COA1: variants seen among roughly 807,000 people sequenced by gnomAD.
COA1 encodes cytochrome c oxidase assembly factor 1, also known as cytochrome c oxidase assembly factor 1 homolog.
COA1 carries 13 observed loss-of-function variants against 16.0 expected under a neutral mutation model. The observed-to-expected ratio is 0.81, with a 90% CI of 0.53 to 1.29. The LOEUF (loss-of-function observed/expected upper bound fraction) is 1.29, where lower values mean the gene tolerates loss of function less well. Among genes scored for constraint, COA1 ranks in the 50% most tolerant of loss-of-function variants. The pLI is 0.00. For synonymous variants in COA1, 65 were observed against 65.7 expected (o/e 0.99, Z 0.05); for missense variants, 179 against 177.0 (o/e 1.01, Z -0.06).
chr7:43,672,028 C>G (rs2093294044), intron 1 of COA1, among the ~76,000 whole-genome samples: 2 of 152,004 alleles, frequency 1.3e-5, no homozygotes. Context: ...ACTATGCATC[C>G]AACAAAGGTC....
chr7:43,614,025 C>G (rs1207584476), intron 6 of COA1, among the ~76,000 whole-genome samples: 1 of 152,146 alleles, frequency 6.6e-6, no homozygotes, highest in African/African-American at 2.4e-5. Context: ...ACCTATTTCT[C>G]TACTCTAACC....
chr7:43,708,088 C>T (rs966777633), intron 1 of COA1, among the ~76,000 whole-genome samples: 9 of 152,170 alleles, frequency 5.9e-5, no homozygotes, highest in African/African-American at 1.4e-4. Flanking sequence ...CCTGTAATCC[C>T]AGCTACTCAG....
At chr7:43,612,293 G>A (rs1353363610) in intron 6 of COA1, among the ~76,000 whole-genome samples, 3 of 152,148 alleles carry the variant, frequency 2.0e-5, no homozygotes, top group Non-Finnish European at 4.4e-5. Flanking sequence ...TCAACTACTG[G>A]AGGGAGAGGA....
chr7:43,634,744 A>G (rs2085581697), downstream of COA1, among the ~76,000 whole-genome samples: 2 of 152,204 alleles, frequency 1.3e-5, no homozygotes, highest in South Asian at 4.1e-4. Context: ...AGAGTAGGGC[A>G]GTTACTTCTT....
intron 1 of COA1, among the ~76,000 whole-genome samples, chr7:43,727,928 T>C (rs1043427938): frequency 2.0e-5 from 3 of 152,118 alleles, no homozygotes; most frequent in East Asian, 1.9e-4. Context: ...ATGATGGTTG[T>C]ACAACTTTGT....
intron 6 of COA1, chr7:43,626,395 T>C (rs2084545025): frequency 6.6e-6 from 1 of 152,194 alleles, no homozygotes; most frequent in South Asian, 2.1e-4. Flanking sequence ...GGAGTGCCCT[T>C]TACACCATTA....
rs10627279 is a variant in COA1 at position 43,644,799 on chromosome 7, C to CAGAGAGAGAGAG, written c.264+440_264+451dup. Among the ~76,000 whole-genome samples the CAGAGAGAGAGAG allele has an allele frequency of 2.8e-3, 212 of 75,274 alleles. 8 individuals carry two copies. The highest frequency in any genetic ancestry group is 0.013 in the Middle Eastern group (2 of 158). The allele number at this position is 75,274 out of a possible 152,430, so 49.4% of individuals were successfully genotyped here. A position where few individuals can be genotyped will look rare whatever the true frequency, so the allele number is the denominator to read the frequency against. On this transcript the variant is annotated intron_variant, in intron 4 of 5. Transcript: ENST00000223336. The stretch of plus-strand genomic sequence containing the variant: ...GCAGGCAGGCAGGCAGGCAGAGAGA[C>CAGAGAGAGAGAG]AGAGAGAGAGAGAGAGAGAGAGAGA...
chr7:43,726,876 T>A (rs2095627141), intron 1 of COA1, among the ~76,000 whole-genome samples: 1 of 152,246 alleles, frequency 6.6e-6, no homozygotes, highest in South Asian at 2.1e-4. Flanking sequence ...GCAGAGGATC[T>A]GAGTACACAT....
At chr7:43,708,982 T>C (rs867626120) in intron 1 of COA1, among the ~76,000 whole-genome samples, 4 of 152,076 alleles carry the variant, frequency 2.6e-5, no homozygotes, top group African/African-American at 9.7e-5. Flanking sequence ...AAACTCTTCA[T>C]ACTGTAAGGT....
intron 6 of COA1, among the ~76,000 whole-genome samples, chr7:43,609,799 A>G (rs1187868207): frequency 1.3e-5 from 2 of 152,196 alleles, no homozygotes; most frequent in Admixed American, 6.5e-5. Context: ...ACCACCCCCA[A>G]AAAACTTTCC....
At chr7:43,723,472 C>G (rs1242036961) in intron 1 of COA1, among the ~76,000 whole-genome samples, 2 of 152,200 alleles carry the variant, frequency 1.3e-5, no homozygotes, top group Non-Finnish European at 2.9e-5. Flanking sequence ...ATAGTCACAG[C>G]ACACCAGGGT....
At chr7:43,726,953 A>G (rs1358461609) in intron 1 of COA1, among the ~76,000 whole-genome samples, 1 of 152,274 alleles carries the variant, frequency 6.6e-6, no homozygotes, top group Non-Finnish European at 1.5e-5. Flanking sequence ...ATTAGCCATC[A>G]GGGAAATACG....
chr7:43,719,427 A>G (rs1171383734), intron 1 of COA1, among the ~76,000 whole-genome samples: 1 of 152,236 alleles, frequency 6.6e-6, no homozygotes. Context: ...TAGTGAGGCA[A>G]GGCTGTCATA....
At chr7:43,699,234 C>A (rs1471071536) in intron 1 of COA1, among the ~76,000 whole-genome samples, 3 of 151,998 alleles carry the variant, frequency 2.0e-5, no homozygotes, top group Non-Finnish European at 2.9e-5. Flanking sequence ...AACACATATA[C>A]CCCTCAGTTA....
intron 1 of COA1, among the ~76,000 whole-genome samples, chr7:43,724,661 C>T (rs1015484830): frequency 6.6e-6 from 1 of 152,050 alleles, no homozygotes; most frequent in Non-Finnish European, 1.5e-5. Flanking sequence ...AAATATCTAT[C>T]GACTAATGAA....
chr7:43,640,108 A>G (rs747424711), intron 5 of COA1, among the ~76,000 whole-genome samples: 2 of 152,194 alleles, frequency 1.3e-5, no homozygotes, highest in Non-Finnish European at 2.9e-5. Flanking sequence ...AACAGCAAAC[A>G]TCTATGAGAG....
intron 1 of COA1, among the ~76,000 whole-genome samples, chr7:43,709,536 C>T (rs1435163231): frequency 1.3e-5 from 2 of 150,680 alleles, no homozygotes; most frequent in Admixed American, 6.6e-5. Context: ...ATATTGTCAC[C>T]GTTCTGCACG....
At chr7:43,621,367 GGGTACCATTGTAA>G (rs1468630422) in intron 6 of COA1, among the ~76,000 whole-genome samples, 1 of 152,204 alleles carries the variant, frequency 6.6e-6, no homozygotes, top group African/African-American at 2.4e-5. Context: ...CAAATTTAAT[GGGTACCATTGTAA>G]GCTCAAATAC....
At chr7:43,619,657 G>C in intron 6 of COA1, 1 of 1,614,006 alleles carries the variant, frequency 6.2e-7, no homozygotes, top group Non-Finnish European at 8.5e-7. Context: ...TGTTGATTTT[G>C]GCCTTTCAAG....
Sources: allele counts gnomAD v4.1 joint callset (sites outside exome capture counted in the v4.1 genomes callset), GRCh38; gene constraint gnomAD v4.1.1; transcripts MANE v1.5; gene names NCBI Gene and HGNC (gene_info 2026-07-23, HGNC 2026-07-21).